Variants in RASSF3 observed in about 807,000 individuals in gnomAD.
RASSF3 encodes the protein Ras association domain family member 3.
Under a neutral mutation model 19.9 loss-of-function variants are expected in RASSF3, and 19 were observed. The ratio of observed to expected loss-of-function variants is 0.96; its 90% confidence interval spans 0.67 to 1.40. The LOEUF is 1.40. Ranked by LOEUF, RASSF3 falls within the 40% of genes most tolerant of loss-of-function variation. The pLI is 0.00. For synonymous variants in RASSF3, 110 were observed against 104.2 expected, an observed-to-expected ratio of 1.06 and a Z score of -0.34; for missense variants, 306 against 289.8, an observed-to-expected ratio of 1.06 and a Z score of -0.41.
At chr12:64,648,545 C>G (rs777111340) in intron 1 of RASSF3, among the ~76,000 whole-genome samples, 1 of 150,900 alleles carries the variant, frequency 6.6e-6, no homozygotes, top group Non-Finnish European at 1.5e-5. Flanking sequence ...AGATGGAGCA[C>G]GTTCCTGGCT....
At chr12:64,537,720 G>C (rs1200040287) in intron 1 of RASSF3, among the ~76,000 whole-genome samples, 1 of 152,188 alleles carries the variant, frequency 6.6e-6, no homozygotes, top group Non-Finnish European at 1.5e-5. Context: ...AGTCATTTTA[G>C]AGTCCTCTCT....
intron 1 of RASSF3, chr12:64,533,690 G>T (rs546152737): frequency 6.6e-6 from 1 of 152,122 alleles, no homozygotes; most frequent in African/African-American, 2.4e-5. Context: ...GCGTTATTTT[G>T]ACCAGTTATA....
At chr12:64,687,022 T>C (rs922121574) in intron 2 of RASSF3, among the ~76,000 whole-genome samples, 2 of 152,206 alleles carry the variant, frequency 1.3e-5, no homozygotes, top group African/African-American at 4.8e-5. Context: ...ATGCAGTCTC[T>C]GTCGCCCAGG....
rs181879451 is a variant in RASSF3, at chr12:64,513,046, C to A, written c.169+5717C>A. 4.6e-5 allele frequency among the ~76,000 whole-genome samples: 7 copies of A among 152,204 alleles called. No individual in the cohort carries two copies. In the East Asian group the frequency reaches 1.4e-3, roughly 29 times the overall value. On this transcript the variant is annotated intron_variant, in intron 1 of 5. Coordinates refer to the RASSF3 transcript ENST00000637125. The stretch of plus-strand genomic sequence containing the variant: ...GGTGAAATGTATAAACAGAAGCTCT[C>A]CCGAAGCAAATTATTCAAGCATAGA...
chr12:64,556,496 T>C (rs373493908), intron 2 of RASSF3, among the ~76,000 whole-genome samples: 9 of 152,098 alleles, frequency 5.9e-5, no homozygotes, highest in African/African-American at 2.2e-4. Context: ...TGCCCCTGCC[T>C]GTTAAAGGAG....
At chr12:64,656,660 A>T (rs1048794807) in intron 1 of RASSF3, among the ~76,000 whole-genome samples, 1 of 152,148 alleles carries the variant, frequency 6.6e-6, no homozygotes, top group African/African-American at 2.4e-5. Context: ...TGAGTCTATA[A>T]ACTCAGAGAT....
intron 2 of RASSF3, among the ~76,000 whole-genome samples, chr12:64,588,329 C>T (rs906564923): frequency 5.9e-5 from 9 of 152,082 alleles, no homozygotes; most frequent in Admixed American, 5.9e-4. Context: ...GAGGGCTATA[C>T]AAAAACACTA....
chr12:64,681,258 T>G (rs1454613194), intron 1 of RASSF3, among the ~76,000 whole-genome samples: 1 of 152,226 alleles, frequency 6.6e-6, no homozygotes, highest in Non-Finnish European at 1.5e-5. Flanking sequence ...TATTTAATGG[T>G]GAACCTTTGG....
At position 64,652,394 on chromosome 12, in the gene RASSF3, G is replaced by GT. The variant is rs918136771; in HGVS notation, c.112-32386dup. ...AAACACGTCTGAGGACTGCAAAGGT[G>GT]TTTTTTTCTCCCCCTCCCCCTCCCC... On this transcript the variant is annotated intron_variant, in intron 1 of 4. Transcript: ENST00000542104. Among the ~76,000 whole-genome samples the GT allele has an allele frequency of 2.0e-5, 3 of 151,558 alleles. No individual in the cohort carries two copies. In the East Asian group the frequency reaches 5.8e-4, roughly 29 times the overall value.
chr12:64,676,652 A>C (rs143843215), intron 1 of RASSF3, among the ~76,000 whole-genome samples: 1 of 150,288 alleles, frequency 6.7e-6, no homozygotes, highest in Non-Finnish European at 1.5e-5. Flanking sequence ...TGTATTTTCA[A>C]TAGAGATGGG....
rs1868334330 is a variant in RASSF3 at position 64,512,537 on chromosome 12, C to T, written c.169+5208C>T. Among the ~76,000 whole-genome samples the T allele has an allele frequency of 2.0e-5, 3 of 152,052 alleles. No homozygotes were observed. In the South Asian group the frequency reaches 6.2e-4, roughly 32 times the overall value. ...TCACTGTAAAAGGCTACTTATTTTT[C>T]CTCTGCAAGGAGAGAGGAGAAAGTT... On this transcript the variant is annotated intron_variant, in intron 1 of 5. Transcript: ENST00000637125.
intron 1 of RASSF3, among the ~76,000 whole-genome samples, chr12:64,536,205 T>C (rs1461022724): frequency 6.6e-6 from 1 of 151,430 alleles, no homozygotes; most frequent in Non-Finnish European, 1.5e-5. Context: ...TTCACCTTAG[T>C]AGTGACTTGT....
downstream of RASSF3, among the ~76,000 whole-genome samples, chr12:64,545,309 ATGCTT>A (rs1182761969): frequency 6.6e-6 from 1 of 152,230 alleles, no homozygotes; most frequent in East Asian, 1.9e-4. Flanking sequence ...GTTTAAACAA[ATGCTT>A]TGCAAAGTTT....
At chr12:64,507,212 A>T (rs1446741304) in exon 1 of RASSF3, 1 of 398,568 alleles carries the variant, frequency 2.5e-6, no homozygotes, top group African/African-American at 2.1e-5. Context: ...CGCTATGGCC[A>T]TAAGAAGTGA....
intron 2 of RASSF3, among the ~76,000 whole-genome samples, chr12:64,589,867 T>C (rs771160629): frequency 1.3e-5 from 2 of 151,800 alleles, no homozygotes; most frequent in Admixed American, 6.6e-5. Context: ...CTGGGCATGG[T>C]GGCACGTGCC....
intron 1 of RASSF3, among the ~76,000 whole-genome samples, chr12:64,620,523 A>T (rs1870717358): frequency 6.6e-6 from 1 of 152,214 alleles, no homozygotes; most frequent in Non-Finnish European, 1.5e-5. Flanking sequence ...GGAATACTAT[A>T]CTGACAAATT....
At position 64,691,475 on chromosome 12, in the gene RASSF3, G is replaced by A. The variant is rs371975809; in HGVS notation, c.463G>A (p.Ala155Thr). The stretch of plus-strand genomic sequence containing the variant: ...CTGCTTGTTTCTTTACCCAGTCTAC[G>A]CCTGCAAGCTCTCAGACCGGGAACA... ...KRCHREDQVYACKLSDREHPL... is the reference protein window; with the variant it reads ...KRCHREDQVYTCKLSDREHPL... Residue 155 changes from alanine to threonine, a missense_variant, in exon 4 of 5, where the codon GCC (alanine) becomes ACC (threonine). Physicochemically the swap from Ala to Thr is moderately conservative, Grantham distance 58. Transcript: ENST00000542104. 2.5e-6 allele frequency: 4 copies of A among 1,610,590 alleles called. No individual in the cohort carries two copies. Among genetic ancestry groups the A allele is most frequent in the Non-Finnish European group, 2.5e-6 (3 of 1,176,970 alleles).
chr12:64,638,492 A>G (rs1389283307), intron 1 of RASSF3, among the ~76,000 whole-genome samples: 1 of 151,416 alleles, frequency 6.6e-6, no homozygotes, highest in Non-Finnish European at 1.5e-5. Flanking sequence ...AGGCAGGAGA[A>G]TGGCGTGAAC....
chr12:64,668,871 T>G, intron 1 of RASSF3, among the ~76,000 whole-genome samples: 1 of 151,636 alleles, frequency 6.6e-6, no homozygotes, highest in East Asian at 1.9e-4. Context: ...TTAGTAGAGA[T>G]GGGGTTTCAC....
Sources: allele counts gnomAD v4.1 joint callset (sites outside exome capture counted in the v4.1 genomes callset), GRCh38; gene constraint gnomAD v4.1.1; transcripts MANE v1.5; gene names NCBI Gene and HGNC (gene_info 2026-07-23, HGNC 2026-07-21).